The following CNTNAP2 variants were observed in gnomAD, a reference collection of about 807,000 sequenced individuals.
The protein encoded by CNTNAP2 is contactin associated protein 2.
CNTNAP2 carries 98 observed loss-of-function variants against 155.2 expected under a neutral mutation model. The ratio of observed to expected loss-of-function variants is 0.63; its 90% CI spans 0.54 to 0.75. The LOEUF (loss-of-function observed/expected upper bound fraction) is 0.75, where lower values mean the gene tolerates loss of function less well. CNTNAP2 is among the 30% of genes least tolerant of loss of function. The pLI, the probability that CNTNAP2 is intolerant of heterozygous loss-of-function variation, is 0.00. For missense variants in CNTNAP2, 1,727 were observed against 1,688.1 expected (o/e 1.02, Z -0.40); for synonymous variants, 651 against 631.2 (o/e 1.03, Z -0.47).
chr7:148,106,495 T>TAGATATATATATATATATAC (rs1396846974), intron 15 of CNTNAP2, among the ~76,000 whole-genome samples: 76 of 15,898 alleles, frequency 4.8e-3, no homozygotes, highest in Non-Finnish European at 0.035. Context: ...CACTTTGAGA[T>TAGATATATATATATATATAC]ATATATATAT....
chr7:147,587,779 A>T (rs528591619), intron 12 of CNTNAP2, among the ~76,000 whole-genome samples: 6 of 152,324 alleles, frequency 3.9e-5, no homozygotes, highest in Admixed American at 3.9e-4. Context: ...AACTCAATAT[A>T]TTTGAAGACC....
At chr7:146,436,130 A>T (rs1796239675) in intron 1 of CNTNAP2, among the ~76,000 whole-genome samples, 1 of 152,192 alleles carries the variant, frequency 6.6e-6, no homozygotes. Context: ...TTAATTACCT[A>T]TAACTAGCAC....
chr7:147,698,270 A>G lies in CNTNAP2; in HGVS notation c.2098+58964A>G, dbSNP rs568367888. Among the ~76,000 whole-genome samples, 75 of 152,284 alleles carry G rather than the reference A, an allele frequency of 4.9e-4. 2 individuals are homozygous for G. In the South Asian group the frequency reaches 0.015, roughly 31 times the overall value. ...ATGCCAGATCAGAAATCAGGAGTTT[A>G]TACTTTATTTTTCAGTTATGGCTTT... On this transcript the variant is annotated intron_variant, in intron 13 of 23. Coordinates refer to ENST00000361727, the MANE Select transcript of CNTNAP2 (RefSeq NM_014141.6).
intron 1 of CNTNAP2, among the ~76,000 whole-genome samples, chr7:146,692,727 T>C (rs184964827): frequency 1.3e-5 from 2 of 152,238 alleles, no homozygotes; most frequent in East Asian, 3.9e-4. Flanking sequence ...AATGTTTTAA[T>C]TGCAAAGTTT....
At chr7:148,197,613 G>C (rs190691775) in intron 18 of CNTNAP2, among the ~76,000 whole-genome samples, 2 of 152,146 alleles carry the variant, frequency 1.3e-5, no homozygotes, top group African/African-American at 4.8e-5. Context: ...TGTCCATTCA[G>C]GGCAAAGATT....
At chr7:147,443,049 C>A (rs1316566514) in intron 10 of CNTNAP2, among the ~76,000 whole-genome samples, 1 of 152,128 alleles carries the variant, frequency 6.6e-6, no homozygotes, top group African/African-American at 2.4e-5. Flanking sequence ...ACCCTCACCC[C>A]CAGTCAGCTG....
intron 13 of CNTNAP2, among the ~76,000 whole-genome samples, chr7:147,763,628 CAT>C (rs1337015601): frequency 1.3e-5 from 2 of 152,092 alleles, no homozygotes. Context: ...AGACTTATTA[CAT>C]ATGGCAAGTT....
rs922345478 is a variant in CNTNAP2 at position 146,163,554 on chromosome 7, T to G, written c.97+46581T>G. 2.3e-5 allele frequency among the ~76,000 whole-genome samples: 3 copies of G among 130,052 alleles called. No homozygotes were observed. The East Asian group carries it at 6.0e-4, about 26-fold the overall frequency. 85.3% of individuals were successfully genotyped at this position (130,052 alleles called of 152,430 possible). ...ATATATATCTATATCTATATATCTATATCTATATCTATCTATATCTATCTA... is the reference window on the plus strand; with the variant it reads ...ATATATATCTATATCTATATATCTAGATCTATATCTATCTATATCTATCTA... On this transcript the variant is annotated intron_variant, in intron 1 of 23. Coordinates refer to ENST00000361727, the MANE Select transcript of CNTNAP2 (RefSeq NM_014141.6).
At chr7:148,240,758 G>C (rs142542405) in intron 20 of CNTNAP2, among the ~76,000 whole-genome samples, 320 of 152,276 alleles carry the variant, frequency 2.1e-3, no homozygotes, top group African/African-American at 7.3e-3. Context: ...CAAAAGTAGG[G>C]AAGCCAACAG....
In CNTNAP2 at chr7:148,217,420, A is replaced by G. The variant is rs1436996261; in HGVS notation, c.3143A>G (p.Gln1048Arg). The change falls in exon 19 of 24, where the codon CAG becomes CGG. Residue 1048 changes from glutamine to arginine, a missense_variant. Coordinates refer to ENST00000361727, the MANE Select transcript of CNTNAP2 (RefSeq NM_014141.6). ...CAGAACTCCCACCCGGACCTGGCAC[A>G]GGAGGAGATCCGCTTCAGCTTCAGC... ...DQQNSHPDLA[Q>R]EEIRFSFSTT... 6.2e-7 allele frequency: 1 copy of G among 1,614,224 alleles called. No individual in the cohort carries two copies. The highest frequency in any genetic ancestry group is 1.7e-5 in the Admixed American group (1 of 60,034).
At chr7:146,330,012 C>CTTTTT (rs748334732) in intron 1 of CNTNAP2, among the ~76,000 whole-genome samples, 970 of 74,820 alleles carry the variant, frequency 0.013, 280 homozygotes, top group African/African-American at 0.058. Flanking sequence ...CAAGTACTTT[C>CTTTTT]TTTTTTTTTT....
chr7:147,431,004 C>T (rs1337946742), intron 10 of CNTNAP2, among the ~76,000 whole-genome samples: 5 of 150,870 alleles, frequency 3.3e-5, no homozygotes, highest in African/African-American at 9.8e-5. Context: ...GCCGAGATCA[C>T]GCCCCTCCTG....
chr7:147,198,711 A>T (rs1802859456), intron 8 of CNTNAP2, among the ~76,000 whole-genome samples: 1 of 152,142 alleles, frequency 6.6e-6, no homozygotes, highest in Non-Finnish European at 1.5e-5. Flanking sequence ...ATTTATAGTA[A>T]TTTTCAGTGA....
chr7:147,064,877 A>C (rs1293327932), intron 4 of CNTNAP2, among the ~76,000 whole-genome samples: 1 of 152,198 alleles, frequency 6.6e-6, no homozygotes, highest in Non-Finnish European at 1.5e-5. Flanking sequence ...AAGACTGTGA[A>C]GCCCACATCA....
chr7:147,442,394 C>T (rs776146702), intron 10 of CNTNAP2, among the ~76,000 whole-genome samples: 1 of 152,154 alleles, frequency 6.6e-6, no homozygotes, highest in African/African-American at 2.4e-5. Context: ...TGGGACTCAT[C>T]CTTCAGGGAA....
At chr7:146,512,884 G>A (rs1452850112) in intron 1 of CNTNAP2, among the ~76,000 whole-genome samples, 1 of 151,856 alleles carries the variant, frequency 6.6e-6, no homozygotes, top group Admixed American at 6.6e-5. Context: ...CTGGTAGGGG[G>A]TTATTGATGT....
At chr7:148,330,938 AT>A (rs1477869621) in intron 21 of CNTNAP2, among the ~76,000 whole-genome samples, 4 of 95,738 alleles carry the variant, frequency 4.2e-5, no homozygotes, top group African/African-American at 7.7e-5. Flanking sequence ...GACGGATGGA[AT>A]TGGATGGAGT....
At chr7:146,964,735 C>T (rs1437215807) in intron 3 of CNTNAP2, among the ~76,000 whole-genome samples, 1 of 152,148 alleles carries the variant, frequency 6.6e-6, no homozygotes, top group Non-Finnish European at 1.5e-5. Flanking sequence ...GGACCAGATA[C>T]AAGTATTGTA....
At chr7:147,607,245 C>T (rs540013391) in intron 12 of CNTNAP2, among the ~76,000 whole-genome samples, 4 of 123,346 alleles carry the variant, frequency 3.2e-5, no homozygotes, top group Non-Finnish European at 5.0e-5. Context: ...CCTCCCTGCC[C>T]TTCTGGGAGA....
Sources: allele counts gnomAD v4.1 joint callset (sites outside exome capture counted in the v4.1 genomes callset), GRCh38; gene constraint gnomAD v4.1.1; transcripts MANE v1.5; gene names NCBI Gene and HGNC (gene_info 2026-07-23, HGNC 2026-07-21).